HLA-DRA: variants seen among roughly 807,000 people sequenced by gnomAD.
HLA-DRA encodes the protein major histocompatibility complex, class II, DR alpha.
In HLA-DRA, 8 loss-of-function variants were observed where a neutral mutation model predicts 22.1. The ratio of observed to expected loss-of-function variants is 0.36; its 90% CI spans 0.21 to 0.65. HLA-DRA has a LOEUF of 0.65. HLA-DRA is among the 30% of genes least tolerant of loss of function. The probability of loss-of-function intolerance (pLI) is 0.63; values close to 1 mark genes in which losing one functional copy is unlikely to be tolerated. For missense variants in HLA-DRA, 248 were observed against 321.3 expected (o/e 0.77, Z 1.74); for synonymous variants, 101 against 117.1 (o/e 0.86, Z 0.89).
chr6:32,442,004 C>T (rs6931646), intron 1 of HLA-DRA, among the ~76,000 whole-genome samples: 73,861 of 151,554 alleles, frequency 0.49, 18,582 homozygotes, highest in Middle Eastern at 0.66. Context: ...TTTCAAACAG[C>T]GTTTCTTTCT....
Position 32,439,964 on chromosome 6 carries a change from G to C in HLA-DRA, c.14G>C (p.Gly5Ala). 1 of 1,614,100 alleles carries C rather than the reference G, an allele frequency of 6.2e-7. No individual in the cohort carries two copies. Among genetic ancestry groups the C allele is most frequent in the Non-Finnish European group, 8.5e-7 (1 of 1,180,002 alleles). ...CCCAAGAAGAAAATGGCCATAAGTG[G>C]AGTCCCTGTGCTAGGATTTTTCATC... is the stretch of plus-strand genomic sequence containing the variant. The part of the protein sequence containing the change: MAIS[G>A]VPVLGFFIIA... Residue 5 changes from glycine to alanine, a missense_variant, in exon 1 of 5, where the codon GGA (glycine) becomes GCA (alanine). Coordinates refer to ENST00000395388, the MANE Select transcript of HLA-DRA (RefSeq NM_019111.5).
chr6:32,442,671 C>T lies in HLA-DRA; in HGVS notation c.306C>T (p.Ser102=), dbSNP rs2150374261. The change falls in exon 2 of 5, where the codon TCC becomes TCT. Residue 102 remains serine, a synonymous_variant. Transcript: ENST00000395388. ...KANLEIMTKR[S]NYTPITNVPP... ...ACCTGGAAATCATGACAAAGCGCTC[C>T]AACTATACTCCGATCACCAATGGTA... is the stretch of plus-strand genomic sequence containing the variant. The T allele has an allele frequency of 6.2e-7, 1 of 1,613,050 alleles. No individual in the cohort carries two copies. Among genetic ancestry groups the T allele is most frequent in the East Asian group, 2.2e-5 (1 of 44,882 alleles).
At position 32,442,453 on chromosome 6, in the gene HLA-DRA, CAT is replaced by C; in HGVS notation, c.89_90del (p.His30ArgfsTer12). On this transcript the variant is annotated frameshift_variant, in exon 2 of 5. Coordinates refer to ENST00000395388, the MANE Select transcript of HLA-DRA (RefSeq NM_019111.5). LOFTEE classifies it high-confidence loss of function. ...AQESWAIKEE[H>X]VIIQAEFYLN... ...CTCCATTTCTTGCCTTTCAGAAGAA[CAT>C]GTGATCATCCAGGCCGAGTTCTATC... 1 of 1,613,044 alleles carries C rather than the reference CAT, an allele frequency of 6.2e-7. No individual in the cohort carries two copies. The highest frequency in any genetic ancestry group is 8.5e-7 in the Non-Finnish European group (1 of 1,180,004).
Position 32,442,464 on chromosome 6 carries a change from C to T in HLA-DRA, c.99C>T (p.Ile33=). The T allele has an allele frequency of 6.2e-7, 1 of 1,613,056 alleles. No homozygotes were observed. The change falls in exon 2 of 5, where the codon ATC becomes ATT. Residue 33 remains isoleucine (I), a synonymous_variant. Transcript: ENST00000395388. The part of the protein sequence containing the change: ...SWAIKEEHVI[I]QAEFYLNPDQ... ...GCCTTTCAGAAGAACATGTGATCATCCAGGCCGAGTTCTATCTGAATCCTG... is the reference window on the plus strand; with the variant it reads ...GCCTTTCAGAAGAACATGTGATCATTCAGGCCGAGTTCTATCTGAATCCTG...
Position 32,443,169 on chromosome 6 carries a change from G to A in HLA-DRA, c.329-16G>A. The A allele has an allele frequency of 6.2e-7, 1 of 1,608,510 alleles. No individual in the cohort carries two copies. Among genetic ancestry groups the A allele is most frequent in the East Asian group, 2.2e-5 (1 of 44,800 alleles). ...GTGATGGCTGATTTCTGTCATGTCTGTCATGTGTCCCCCAGTACCTCCAGA... is the reference window on the plus strand; with the variant it reads ...GTGATGGCTGATTTCTGTCATGTCTATCATGTGTCCCCCAGTACCTCCAGA... On this transcript the variant is annotated splice_polypyrimidine_tract_variant and intron_variant, in intron 2 of 4. Coordinates refer to ENST00000395388, the MANE Select transcript of HLA-DRA (RefSeq NM_019111.5).
chr6:32,442,774 T>C lies in HLA-DRA; in HGVS notation c.328+81T>C. The stretch of plus-strand genomic sequence containing the variant: ...TGCTTCAGCTCTTTGTGTTAGATTA[T>C]TGTAACTGATTTTCCCTCCAAGGGT... On this transcript the variant is annotated intron_variant, in intron 2 of 4. Transcript: ENST00000395388. 7 of 1,533,674 alleles carry C rather than the reference T, an allele frequency of 4.6e-6. 1 individual carries two copies. In the East Asian group the frequency reaches 1.6e-4, roughly 35 times the overall value.
At chr6:32,443,980 G>A in intron 4 of HLA-DRA, 59 bp downstream of exon 4, 1 of 1,274,934 alleles carries the variant, frequency 7.8e-7, no homozygotes, top group Non-Finnish European at 1.0e-6. Context: ...AGGAAAACAG[G>A]GTGGGGAAAG....
chr6:32,443,849 C>T lies in HLA-DRA; in HGVS notation c.704C>T (p.Thr235Ile). 1 of 1,609,878 alleles carries T rather than the reference C, an allele frequency of 6.2e-7. No individual in the cohort carries two copies. The highest frequency in any genetic ancestry group is 8.5e-7 in the Non-Finnish European group (1 of 1,178,514). ...GGTCTGGTGGGCATCATTATTGGGA[C>T]CATCTTCATCATCAAGGGATTGCGC... ...TVGLVGIIIGTIFIIKGLRKS... is the reference protein window; with the variant it reads ...TVGLVGIIIGIIFIIKGLRKS... The change falls in exon 4 of 5, where the codon ACC becomes ATC. Residue 235 changes from threonine to isoleucine, a missense_variant. Transcript: ENST00000395388.
intron 2 of HLA-DRA, 101 bp downstream of exon 2, chr6:32,442,794 A>T: frequency 6.8e-7 from 1 of 1,461,468 alleles, no homozygotes; most frequent in South Asian, 1.3e-5. Context: ...TTTTCCCTCC[A>T]AGGGTCTAAC....
chr6:32,443,481 T>A lies in HLA-DRA; in HGVS notation c.610+15T>A. On this transcript the variant is annotated intron_variant, in intron 3 of 4. Transcript: ENST00000395388. ...CAAGCACTGGGGTATGGACCAACAC[T>A]CAATCTCCTTTATTTCAAGGTTTCC... 6.2e-7 allele frequency: 1 copy of A among 1,604,670 alleles called. No homozygotes were observed. Among genetic ancestry groups the A allele is most frequent in the Non-Finnish European group, 8.5e-7 (1 of 1,173,144 alleles).
At chr6:32,442,796 G>C in intron 2 of HLA-DRA, 103 bp downstream of exon 2, 1 of 1,439,732 alleles carries the variant, frequency 6.9e-7, no homozygotes, top group South Asian at 1.3e-5. Flanking sequence ...TTCCCTCCAA[G>C]GGTCTAACCT....
chr6:32,443,946 G>A, intron 4 of HLA-DRA, 25 bp downstream of exon 4: 1 of 1,477,572 alleles, frequency 6.8e-7, no homozygotes, highest in Non-Finnish European at 9.0e-7. Context: ...GTCAGAGGAA[G>A]ACGTATATGG....
chr6:32,442,372 A>T, intron 1 of HLA-DRA, 76 bp from the exon 2 acceptor site: 1 of 1,543,560 alleles, frequency 6.5e-7, no homozygotes, highest in Non-Finnish European at 8.9e-7. Context: ...CTTCCTGCCT[A>T]CATGTATGTA....
Position 32,442,652 on chromosome 6 carries a change from A to C in HLA-DRA, c.287A>C (p.Glu96Ala). The change falls in exon 2 of 5, where the codon GAA becomes GCA. Residue 96 changes from glutamate (E) to alanine (A), a missense_variant. Coordinates refer to ENST00000395388, the MANE Select transcript of HLA-DRA (RefSeq NM_019111.5). ...ANIAVDKANL[E>A]IMTKRSNYTP... ...ATAGCTGTGGACAAAGCCAACCTGG[A>C]AATCATGACAAAGCGCTCCAACTAT... 6.2e-7 allele frequency: 1 copy of C among 1,613,088 alleles called. No individual in the cohort carries two copies. Among genetic ancestry groups the C allele is most frequent in the Non-Finnish European group, 8.5e-7 (1 of 1,180,044 alleles).
In HLA-DRA at chr6:32,443,368, G is replaced by A. The variant is rs1270126858; in HGVS notation, c.512G>A (p.Arg171His). ...CTGCCCAGGGAAGACCACCTTTTCC[G>A]CAAGTTCCACTATCTCCCCTTCCTG... Reference protein sequence around the residue: ...VFLPREDHLFRKFHYLPFLPS... With the variant: ...VFLPREDHLFHKFHYLPFLPS... Residue 171 changes from arginine (R) to histidine (H), a missense_variant, in exon 3 of 5, where the codon CGC (arginine) becomes CAC (histidine). Coordinates refer to ENST00000395388, the MANE Select transcript of HLA-DRA (RefSeq NM_019111.5). The A allele has an allele frequency of 1.1e-5, 17 of 1,612,786 alleles. No individual in the cohort carries two copies. Among genetic ancestry groups the A allele is most frequent in the East Asian group, 2.2e-5 (1 of 44,894 alleles).
intron 1 of HLA-DRA, among the ~76,000 whole-genome samples, chr6:32,442,008 T>A (rs1762648512): frequency 6.6e-6 from 1 of 152,252 alleles, no homozygotes; most frequent in African/African-American, 2.4e-5. Context: ...AAACAGCGTT[T>A]CTTTCTTCTT....
At chr6:32,443,949 G>A (rs3129888) in intron 4 of HLA-DRA, 28 bp downstream of exon 4, 1,215,536 of 1,491,692 alleles carry the variant, frequency 0.81, 497,078 homozygotes, top group South Asian at 0.96. Context: ...AGAGGAAGAC[G>A]TATATGGAGA....
intron 1 of HLA-DRA, among the ~76,000 whole-genome samples, chr6:32,440,821 T>C (rs911065038): frequency 6.6e-6 from 1 of 152,220 alleles, no homozygotes; most frequent in Non-Finnish European, 1.5e-5. Flanking sequence ...TCACCCAGCG[T>C]GACCCCCACA....
intron 3 of HLA-DRA, 28 bp from the exon 4 acceptor site, chr6:32,443,728 C>T (rs977938714): frequency 1.0e-5 from 16 of 1,545,212 alleles, no homozygotes; most frequent in Non-Finnish European, 1.3e-5. Flanking sequence ...ACACTCATTA[C>T]CATGTACTCT....
Sources: gnomAD v4.1 joint callset for allele counts (sites outside exome capture counted in the v4.1 genomes callset) on GRCh38, gnomAD v4.1.1 for gene constraint, MANE v1.5 for transcripts, NCBI Gene and HGNC (gene_info 2026-07-23, HGNC 2026-07-21) for gene names.